CEP63: variants seen among roughly 807,000 people sequenced by gnomAD.
CEP63 encodes the protein centrosomal protein 63, also known as centrosomal protein of 63 kDa.
In CEP63, 84 loss-of-function variants were observed where a neutral mutation model predicts 89.1. The ratio of observed to expected loss-of-function variants is 0.94; its 90% confidence interval spans 0.79 to 1.13. CEP63 has a LOEUF of 1.13. CEP63 is among the 50% of genes most tolerant of loss of function. The probability of loss-of-function intolerance (pLI) is 0.00; values close to 1 mark genes in which losing one functional copy is unlikely to be tolerated. For synonymous variants in CEP63, 267 were observed against 272.5 expected (o/e 0.98, Z 0.20); for missense variants, 838 against 813.3 (o/e 1.03, Z -0.37).
the CEP63 span, among the ~76,000 whole-genome samples, chr3:134,602,109 C>G: frequency 6.6e-6 from 1 of 152,104 alleles, no homozygotes; most frequent in South Asian, 2.1e-4. Context: ...GGAGAGGTGC[C>G]AGGCAGTGCT....
At chr3:134,653,899 C>A in the CEP63 span, among the ~76,000 whole-genome samples, 5 of 152,286 alleles carry the variant, frequency 3.3e-5, no homozygotes, top group Admixed American at 6.5e-5. Flanking sequence ...CTCCATCCTG[C>A]TACCATCTTG....
the CEP63 span, among the ~76,000 whole-genome samples, chr3:134,667,802 G>A: frequency 6.6e-6 from 1 of 152,158 alleles, no homozygotes. Context: ...AAGACCCCGG[G>A]GCAAAGAGAG....
the CEP63 span, chr3:134,607,686 C>A: frequency 2.0e-6 from 2 of 985,748 alleles, no homozygotes; most frequent in Non-Finnish European, 2.4e-6. Flanking sequence ...TCCAGGGCAG[C>A]CCCCGTATGC....
At chr3:134,523,563 G>T (rs1212662488) in intron 3 of CEP63, among the ~76,000 whole-genome samples, 5 of 152,040 alleles carry the variant, frequency 3.3e-5, no homozygotes, top group Admixed American at 3.3e-4. Context: ...AGTTAATTCT[G>T]TATATAATAC....
downstream of CEP63, among the ~76,000 whole-genome samples, chr3:134,566,756 T>TA (rs796595403): frequency 4.3e-4 from 64 of 147,846 alleles, no homozygotes; most frequent in South Asian, 7.0e-3. Flanking sequence ...TCCACTATAA[T>TA]AAAAAAAAAA....
intron 13 of CEP63, 87 bp from the exon 14 acceptor site, chr3:134,559,063 C>T: frequency 7.2e-7 from 1 of 1,381,274 alleles, no homozygotes; most frequent in Non-Finnish European, 1.0e-6. Flanking sequence ...ATTAGTTAGG[C>T]TATTAAGCAA....
chr3:134,767,754 A>G, the CEP63 span, among the ~76,000 whole-genome samples: 2 of 152,134 alleles, frequency 1.3e-5, no homozygotes, highest in Non-Finnish European at 2.9e-5. Context: ...TTGTTTTTTG[A>G]AAGCAAACAT....
the CEP63 span, among the ~76,000 whole-genome samples, chr3:134,760,144 C>T: frequency 1.3e-5 from 2 of 150,688 alleles, no homozygotes; most frequent in East Asian, 1.9e-4. Context: ...CTGCAAGCTC[C>T]GCCTCCCGGG....
Position 134,549,053 on chromosome 3 carries a change from G to A in CEP63, c.1068-9G>A. 1 of 1,578,442 alleles carries A rather than the reference G, an allele frequency of 6.3e-7. No individual in the cohort carries two copies. The highest frequency in any genetic ancestry group is 8.7e-7 in the Non-Finnish European group (1 of 1,147,698). ...GTTTTAAGTATGGGATCTTATTTTT[G>A]TCATACAGTTTGGAATCTGTGAGTG... On this transcript the variant is annotated splice_polypyrimidine_tract_variant and intron_variant, in intron 9 of 14. Coordinates refer to ENST00000675561, the MANE Select transcript of CEP63 (RefSeq NM_001353108.3).
At chr3:134,684,265 AGG>A in the CEP63 span, among the ~76,000 whole-genome samples, 1 of 152,216 alleles carries the variant, frequency 6.6e-6, no homozygotes, top group South Asian at 2.1e-4. Context: ...TTCCAACTGC[AGG>A]GAACTATCTC....
chr3:134,720,280 C>T, the CEP63 span, among the ~76,000 whole-genome samples: 2 of 151,912 alleles, frequency 1.3e-5, no homozygotes, highest in African/African-American at 2.4e-5. Flanking sequence ...AATGTCTATT[C>T]GAACTTTTTT....
intron 3 of CEP63, among the ~76,000 whole-genome samples, chr3:134,524,764 G>A (rs999947267): frequency 3.3e-5 from 5 of 152,158 alleles, no homozygotes; most frequent in African/African-American, 7.2e-5. Context: ...TTTTTGATGT[G>A]CTGCTGGATT....
chr3:134,760,781 A>C, the CEP63 span, among the ~76,000 whole-genome samples: 1 of 152,146 alleles, frequency 6.6e-6, no homozygotes, highest in Non-Finnish European at 1.5e-5. Flanking sequence ...ATTATAGCAC[A>C]ATGCAAATAG....
At chr3:134,536,208 T>C (rs1330421487) in intron 5 of CEP63, 1 of 152,314 alleles carries the variant, frequency 6.6e-6, no homozygotes, top group Non-Finnish European at 1.5e-5. Flanking sequence ...CCATCTGCTA[T>C]ACCATACAAG....
At chr3:134,508,667 C>T (rs574425850) in intron 3 of CEP63, among the ~76,000 whole-genome samples, 41 of 152,232 alleles carry the variant, frequency 2.7e-4, no homozygotes, top group Admixed American at 5.9e-4. Flanking sequence ...TTTGACGCCA[C>T]GGGCATTGTT....
chr3:134,607,491 G>C, the CEP63 span: 1 of 985,654 alleles, frequency 1.0e-6, no homozygotes, highest in Non-Finnish European at 1.2e-6. Context: ...AGGCCCCAGT[G>C]GCAGAGACGG....
chr3:134,739,920 T>C, the CEP63 span, among the ~76,000 whole-genome samples: 4 of 152,188 alleles, frequency 2.6e-5, no homozygotes, highest in Admixed American at 2.0e-4. Context: ...CCTCCTGCTA[T>C]GACAGATGAG....
Position 134,564,657 on chromosome 3 carries a change from C to T in CEP63, c.*3122C>T. On this transcript the variant is annotated 3_prime_UTR_variant, in exon 15 of 15. Coordinates refer to ENST00000675561, the MANE Select transcript of CEP63 (RefSeq NM_001353108.3). ...TATCTAATGGGGTCGAGAAGATTTA[C>T]TGAAAATATATATTTGAAAGGGCTT... 3 of 985,348 alleles carry T rather than the reference C, an allele frequency of 3.0e-6. No individual in the cohort carries two copies. Among genetic ancestry groups the T allele is most frequent in the Non-Finnish European group, 3.6e-6 (3 of 829,868 alleles). The allele number at this position is 985,348 out of a possible 1,614,324, so 61.0% of individuals were successfully genotyped here. A position where few individuals can be genotyped will look rare whatever the true frequency, so the allele number is the denominator to read the frequency against.
chr3:134,562,004 C>A lies in CEP63; in HGVS notation c.*469C>A, dbSNP rs1278156932. The stretch of plus-strand genomic sequence containing the variant: ...CCAACGGGGCTTGTTATTTACTGGG[C>A]TGGTAGCCCCTCCTAGCCAAGGGGC... On this transcript the variant is annotated 3_prime_UTR_variant, in exon 15 of 15. Coordinates refer to ENST00000675561, the MANE Select transcript of CEP63 (RefSeq NM_001353108.3). 13 of 1,013,162 alleles carry A rather than the reference C, an allele frequency of 1.3e-5. No homozygotes were observed. Among genetic ancestry groups the A allele is most frequent in the Admixed American group, 1.1e-4 (2 of 18,852 alleles). The allele number at this position is 1,013,162 out of a possible 1,614,324, so 62.8% of individuals were successfully genotyped here. A position where few individuals can be genotyped will look rare whatever the true frequency, so the allele number is the denominator to read the frequency against.
Sources: gnomAD v4.1 joint callset for allele counts (sites outside exome capture counted in the v4.1 genomes callset) on GRCh38, gnomAD v4.1.1 for gene constraint, MANE v1.5 for transcripts, NCBI Gene and HGNC (gene_info 2026-07-23, HGNC 2026-07-21) for gene names.